FYN: variants seen among roughly 807,000 people sequenced by gnomAD.
The protein encoded by FYN is tyrosine-protein kinase Fyn.
Under a neutral mutation model 70.2 loss-of-function variants are expected in FYN, and 10 were observed. That is an observed-to-expected ratio of 0.14 (90% CI 0.09 to 0.24). The LOEUF (loss-of-function observed/expected upper bound fraction) is 0.24, where lower values mean the gene tolerates loss of function less well. FYN is among the 10% of genes least tolerant of loss of function. The pLI, the probability that FYN is intolerant of heterozygous loss-of-function variation, is 1.00. For synonymous variants in FYN, 236 were observed against 248.6 expected, an observed-to-expected ratio of 0.95 and a Z score of 0.48; for missense variants, 319 against 673.1, an observed-to-expected ratio of 0.47 and a Z score of 5.82.
At chr6:111,757,584 C>T (rs752424461) in intron 3 of FYN, among the ~76,000 whole-genome samples, 4 of 152,134 alleles carry the variant, frequency 2.6e-5, no homozygotes, top group Non-Finnish European at 5.9e-5. Flanking sequence ...ACACAGCTTA[C>T]AATAAAGTCA....
Position 111,700,192 on chromosome 6 carries a change from G to C in FYN, c.774C>G (p.Val258=). The C allele has an allele frequency of 6.2e-7, 1 of 1,614,062 alleles. No homozygotes were observed. The highest frequency in any genetic ancestry group is 8.5e-7 in the Non-Finnish European group (1 of 1,179,990). ...KGMPRLTDLS[V]KTKDVWEIPR... is the part of the protein sequence containing the mutation. ...GGATTTCCCAGACATCTTTGGTTTT[G>C]ACAGACAGATCGGTAAGCCTTGGCA... is the stretch of plus-strand genomic sequence containing the variant. Residue 258 remains valine, a synonymous_variant, in exon 9 of 14, where the codon GTC becomes GTG. Transcript: ENST00000354650.
intron 2 of FYN, among the ~76,000 whole-genome samples, chr6:111,807,532 C>T (rs1772186697): frequency 6.6e-6 from 1 of 152,174 alleles, no homozygotes; most frequent in African/African-American, 2.4e-5. Flanking sequence ...CTCACTTACC[C>T]CCAGGTAAGA....
intron 13 of FYN, among the ~76,000 whole-genome samples, chr6:111,664,378 A>T (rs1797903827): frequency 6.6e-6 from 1 of 152,162 alleles, no homozygotes; most frequent in Non-Finnish European, 1.5e-5. Flanking sequence ...GGCAGCACAG[A>T]GTTTAATTAA....
chr6:111,730,994 G>A (rs927258080), intron 3 of FYN, among the ~76,000 whole-genome samples: 5 of 152,174 alleles, frequency 3.3e-5, no homozygotes, highest in African/African-American at 1.2e-4. Context: ...AGAACTGGCC[G>A]AGGGCCCAAG....
intron 1 of FYN, among the ~76,000 whole-genome samples, chr6:111,849,858 T>C (rs1481976442): frequency 6.6e-6 from 1 of 152,212 alleles, no homozygotes; most frequent in Non-Finnish European, 1.5e-5. Context: ...CACACCCCCA[T>C]GCAGGACTAG....
At chr6:111,801,484 T>C (rs1421289505) in intron 2 of FYN, among the ~76,000 whole-genome samples, 1 of 152,176 alleles carries the variant, frequency 6.6e-6, no homozygotes, top group Non-Finnish European at 1.5e-5. Flanking sequence ...TGAACAAATA[T>C]ATATAGACAT....
Position 111,778,640 on chromosome 6 carries a change from C to G in FYN, c.-12+1926G>C, listed in dbSNP as rs546188205. On this transcript the variant is annotated intron_variant, in intron 3 of 13. Coordinates refer to ENST00000354650, the MANE Select transcript of FYN (RefSeq NM_002037.5). ...CTGGAGTGAAGTGGCGTAGTCTTGG[C>G]TTACTGCAACCTCTGCCTCCTGGGT... 6.6e-5 allele frequency among the ~76,000 whole-genome samples: 10 copies of G among 151,416 alleles called. 1 individual carries two copies. In the South Asian group the frequency reaches 2.1e-3, roughly 32 times the overall value.
At chr6:111,718,628 CTTTT>C (rs1800785099) in intron 4 of FYN, among the ~76,000 whole-genome samples, 1 of 152,130 alleles carries the variant, frequency 6.6e-6, no homozygotes. Flanking sequence ...GTGTTTGCCT[CTTTT>C]TTTCTCCTGC....
chr6:111,788,204 A>G (rs1399416235), intron 2 of FYN, among the ~76,000 whole-genome samples: 1 of 152,124 alleles, frequency 6.6e-6, no homozygotes, highest in East Asian at 1.9e-4. Flanking sequence ...TTTTCACGCT[A>G]TCTGCTGCAA....
intron 5 of FYN, among the ~76,000 whole-genome samples, chr6:111,709,370 A>G (rs1297225854): frequency 1.3e-5 from 2 of 151,998 alleles, no homozygotes; most frequent in Non-Finnish European, 2.9e-5. Flanking sequence ...CTAAAGCTGG[A>G]CTCTCTGAGC....
chr6:111,832,377 T>C (rs1225962242), intron 2 of FYN, among the ~76,000 whole-genome samples: 1 of 152,240 alleles, frequency 6.6e-6, no homozygotes, highest in East Asian at 1.9e-4. Flanking sequence ...GATTTGTCTA[T>C]TGACCTTCTA....
chr6:111,838,520 AG>A (rs1202904015), intron 2 of FYN, among the ~76,000 whole-genome samples: 3 of 152,242 alleles, frequency 2.0e-5, no homozygotes, highest in African/African-American at 7.2e-5. Flanking sequence ...ACATCACAGA[AG>A]AACAACACTG....
At chr6:111,740,679 C>A (rs529760084) in intron 3 of FYN, among the ~76,000 whole-genome samples, 1 of 152,194 alleles carries the variant, frequency 6.6e-6, no homozygotes, top group African/African-American at 2.4e-5. Flanking sequence ...TCCCTCTTCA[C>A]ACCTCCTCCC....
chr6:111,715,270 G>A (rs1800575531), intron 4 of FYN, among the ~76,000 whole-genome samples: 1 of 151,694 alleles, frequency 6.6e-6, no homozygotes, highest in African/African-American at 2.4e-5. Flanking sequence ...AATAGAGACG[G>A]GGGTCTCACT....
intron 10 of FYN, among the ~76,000 whole-genome samples, 190 bp downstream of exon 10, chr6:111,696,087 G>A (rs1009781813): frequency 5.3e-5 from 8 of 152,192 alleles, no homozygotes; most frequent in African/African-American, 1.9e-4. Flanking sequence ...AGGATTTGGG[G>A]TGGGGTAAAC....
intron 3 of FYN, among the ~76,000 whole-genome samples, chr6:111,734,579 C>A (rs1302601098): frequency 6.6e-6 from 1 of 152,158 alleles, no homozygotes; most frequent in East Asian, 1.9e-4. Flanking sequence ...TCCCTCATCA[C>A]AGGGAGGCTC....
chr6:111,841,146 A>G (rs892648609), intron 2 of FYN, among the ~76,000 whole-genome samples: 2 of 152,214 alleles, frequency 1.3e-5, no homozygotes, highest in Non-Finnish European at 2.9e-5. Flanking sequence ...TGAGTGTCTC[A>G]TGGGCTTCCC....
intron 3 of FYN, among the ~76,000 whole-genome samples, chr6:111,722,614 C>T (rs1801007282): frequency 6.6e-6 from 1 of 152,214 alleles, no homozygotes; most frequent in African/African-American, 2.4e-5. Flanking sequence ...ATATCACTTA[C>T]AGCAGTGGTT....
chr6:111,712,638 AT>A (rs1490803069), intron 5 of FYN, among the ~76,000 whole-genome samples: 1 of 152,232 alleles, frequency 6.6e-6, no homozygotes, highest in African/African-American at 2.4e-5. Context: ...ACGTCGATGC[AT>A]ACCTCAGACA....
Sources: gnomAD v4.1 joint callset for allele counts (sites outside exome capture counted in the v4.1 genomes callset) on GRCh38, gnomAD v4.1.1 for gene constraint, MANE v1.5 for transcripts, NCBI Gene and HGNC (gene_info 2026-07-23, HGNC 2026-07-21) for gene names.